The following C10orf90 variants were observed in gnomAD, a reference collection of about 807,000 sequenced individuals.
The protein encoded by C10orf90 is (E2-independent) E3 ubiquitin-conjugating enzyme FATS.
C10orf90 carries 56 observed loss-of-function variants against 62.5 expected under a neutral mutation model. That is an observed-to-expected ratio of 0.90 (90% CI 0.72 to 1.12). The LOEUF (loss-of-function observed/expected upper bound fraction) is 1.12, where lower values mean the gene tolerates loss of function less well. Among genes scored for constraint, C10orf90 ranks in the 50% most tolerant of loss-of-function variants. The probability of loss-of-function intolerance (pLI) is 0.00; values close to 1 mark genes in which losing one functional copy is unlikely to be tolerated. For synonymous variants in C10orf90, 386 were observed against 340.4 expected (o/e 1.13, Z -1.47); for missense variants, 970 against 880.4 (o/e 1.10, Z -1.29).
chr10:126,475,390 T>A (rs1860803508), intron 4 of C10orf90, among the ~76,000 whole-genome samples: 1 of 152,144 alleles, frequency 6.6e-6, no homozygotes, highest in South Asian at 2.1e-4. Flanking sequence ...ATCTTGATGT[T>A]CCTAATCTTG....
chr10:126,525,807 T>A (rs1863924247), intron 2 of C10orf90, among the ~76,000 whole-genome samples: 1 of 125,764 alleles, frequency 8.0e-6, no homozygotes, highest in African/African-American at 3.9e-5. Context: ...AAGGTTGTTC[T>A]TCTCCCTGGT....
At chr10:126,573,929 G>A (rs981073271) in intron 2 of C10orf90, among the ~76,000 whole-genome samples, 7 of 152,150 alleles carry the variant, frequency 4.6e-5, no homozygotes, top group Non-Finnish European at 1.0e-4. Flanking sequence ...AATAGGCCCA[G>A]TCCCCTGCTC....
At chr10:126,657,218 C>T (rs1432148729) in intron 1 of C10orf90, among the ~76,000 whole-genome samples, 2 of 152,124 alleles carry the variant, frequency 1.3e-5, no homozygotes, top group Non-Finnish European at 2.9e-5. Flanking sequence ...CAATTGAGCA[C>T]GTTCACAATT....
chr10:126,521,158 C>A (rs1863722376), intron 2 of C10orf90: 3 of 904,250 alleles, frequency 3.3e-6, no homozygotes, highest in Non-Finnish European at 5.0e-6. Context: ...TGGCCCAGGT[C>A]TTTAGAGATA....
chr10:126,582,125 G>C (rs1159734612), intron 2 of C10orf90, among the ~76,000 whole-genome samples: 1 of 152,208 alleles, frequency 6.6e-6, no homozygotes, highest in African/African-American at 2.4e-5. Flanking sequence ...CCTGGGGTTA[G>C]CCTATAGTCT....
intron 2 of C10orf90, among the ~76,000 whole-genome samples, chr10:126,548,784 C>T (rs1197567667): frequency 3.3e-5 from 5 of 150,654 alleles, no homozygotes; most frequent in East Asian, 2.0e-4. Flanking sequence ...ACTCTGTCGC[C>T]CAGGCTGGAG....
intron 2 of C10orf90, among the ~76,000 whole-genome samples, chr10:126,633,455 C>T (rs781608466): frequency 1.3e-5 from 2 of 152,238 alleles, no homozygotes; most frequent in Non-Finnish European, 2.9e-5. Flanking sequence ...AAGGACAAAG[C>T]TGGCCATTGC....
intron 2 of C10orf90, chr10:126,524,824 G>A (rs1428084571): frequency 1.0e-6 from 1 of 985,410 alleles, no homozygotes; most frequent in East Asian, 1.1e-4. Context: ...TGTGTGAGAG[G>A]GAGGCAGTCT....
chr10:126,640,776 A>T (rs534933683), intron 2 of C10orf90, among the ~76,000 whole-genome samples: 1 of 152,324 alleles, frequency 6.6e-6, no homozygotes, highest in South Asian at 2.1e-4. Context: ...GAGGCCATGG[A>T]CCTGGAGAAA....
chr10:126,527,688 G>A (rs1181892818), intron 2 of C10orf90, among the ~76,000 whole-genome samples: 1 of 152,206 alleles, frequency 6.6e-6, no homozygotes, highest in Non-Finnish European at 1.5e-5. Context: ...TTCCCCATCT[G>A]CGAAACAGGG....
intron 2 of C10orf90, among the ~76,000 whole-genome samples, chr10:126,555,253 G>A (rs2133981303): frequency 6.6e-6 from 1 of 152,258 alleles, no homozygotes; most frequent in Non-Finnish European, 1.5e-5. Flanking sequence ...TTGGGCTTTG[G>A]TAGCAGAGGG....
intron 7 of C10orf90, among the ~76,000 whole-genome samples, chr10:126,432,077 G>T (rs1303097194): frequency 6.6e-6 from 1 of 152,202 alleles, no homozygotes; most frequent in African/African-American, 2.4e-5. Flanking sequence ...TTCTGACTTT[G>T]AGTTTTCCTA....
chr10:126,533,373 A>G (rs1864154420), intron 2 of C10orf90, among the ~76,000 whole-genome samples: 2 of 152,208 alleles, frequency 1.3e-5, no homozygotes, highest in Non-Finnish European at 2.9e-5. Flanking sequence ...TAGCCCTGAA[A>G]AATTAAGATC....
chr10:126,444,344 G>A (rs1858598751), intron 7 of C10orf90, among the ~76,000 whole-genome samples: 1 of 152,004 alleles, frequency 6.6e-6, no homozygotes, highest in Admixed American at 6.6e-5. Context: ...CAAGATTAAT[G>A]TACACAAATC....
chr10:126,441,872 C>A (rs559642627), intron 7 of C10orf90, among the ~76,000 whole-genome samples: 1 of 152,086 alleles, frequency 6.6e-6, no homozygotes, highest in Non-Finnish European at 1.5e-5. Context: ...ACTAAAAGAA[C>A]TCTAAAAGTG....
At chr10:126,660,494 C>T (rs1383769720) in intron 1 of C10orf90, among the ~76,000 whole-genome samples, 1 of 152,228 alleles carries the variant, frequency 6.6e-6, no homozygotes, top group African/African-American at 2.4e-5. Context: ...CTCTGGCTAA[C>T]AGCCAGTAAG....
chr10:126,667,222 C>A (rs796176977), intron 1 of C10orf90, among the ~76,000 whole-genome samples: 7 of 151,802 alleles, frequency 4.6e-5, no homozygotes, highest in South Asian at 2.1e-4. Flanking sequence ...CCACACCCAG[C>A]TAATTTTTTG....
chr10:126,438,904 G>A (rs866686537), intron 7 of C10orf90, among the ~76,000 whole-genome samples: 1 of 151,648 alleles, frequency 6.6e-6, no homozygotes, highest in Non-Finnish European at 1.5e-5. Flanking sequence ...CTGGAGTTGT[G>A]TTCCCTCCAT....
At chr10:126,581,946 C>T (rs188341369) in intron 2 of C10orf90, among the ~76,000 whole-genome samples, 14 of 152,264 alleles carry the variant, frequency 9.2e-5, no homozygotes, top group East Asian at 3.9e-4. Context: ...TGTGATTCGG[C>T]GGGTGGCAGC....
Sources: gnomAD v4.1 joint callset for allele counts (sites outside exome capture counted in the v4.1 genomes callset) on GRCh38, gnomAD v4.1.1 for gene constraint, MANE v1.5 for transcripts, NCBI Gene and HGNC (gene_info 2026-07-23, HGNC 2026-07-21) for gene names.